The following TBL1X variants were observed in gnomAD, a reference collection of about 807,000 sequenced individuals.
TBL1X encodes the protein F-box-like/WD repeat-containing protein TBL1X.
Under a neutral mutation model 50.7 loss-of-function variants are expected in TBL1X, and 10 were observed. The ratio of observed to expected loss-of-function variants is 0.20; its 90% CI spans 0.12 to 0.33. The LOEUF (loss-of-function observed/expected upper bound fraction) is 0.33, where lower values mean the gene tolerates loss of function less well. Among genes scored for constraint, TBL1X ranks in the 10% least tolerant of loss-of-function variants. The pLI, the probability that TBL1X is intolerant of heterozygous loss-of-function variation, is 1.00. For missense variants in TBL1X, 340 were observed against 504.4 expected, an observed-to-expected ratio of 0.67 and a Z score of 3.12; for synonymous variants, 190 against 214.7, an observed-to-expected ratio of 0.88 and a Z score of 1.01.
chrX:9,488,894 C>A (rs988779867), intron 1 of TBL1X, among the ~76,000 whole-genome samples: 2 of 111,254 alleles, frequency 1.8e-5, no homozygotes, highest in African/African-American at 3.3e-5. Context: ...TTTTGTTGCC[C>A]AGGCTGGTCT....
intron 11 of TBL1X, among the ~76,000 whole-genome samples, chrX:9,694,042 A>G (rs1234897794): frequency 9.3e-6 from 1 of 107,107 alleles, no homozygotes; most frequent in Non-Finnish European, 1.9e-5. Flanking sequence ...GGGGACGCAG[A>G]CTCCATCCTG....
chrX:9,613,777 G>A (rs1255833305), intron 2 of TBL1X, among the ~76,000 whole-genome samples: 1 of 110,223 alleles, frequency 9.1e-6, no homozygotes, highest in Non-Finnish European at 1.9e-5. Flanking sequence ...CCTGAGGTCA[G>A]CAGTTCAAGA....
chrX:9,521,952 C>T (rs2082108911), intron 2 of TBL1X, among the ~76,000 whole-genome samples: 1 of 110,095 alleles, frequency 9.1e-6, no homozygotes, highest in Admixed American at 9.6e-5. Context: ...GCTCATGCAA[C>T]AGAGGAATTG....
intron 1 of TBL1X, among the ~76,000 whole-genome samples, chrX:9,469,215 G>A (rs191483914): frequency 1.8e-5 from 2 of 111,924 alleles, no homozygotes; most frequent in Admixed American, 1.9e-4. Context: ...CACAGCCCAG[G>A]CTGGAGTGCA....
chrX:9,499,901 C>T (rs1309809308), intron 1 of TBL1X, among the ~76,000 whole-genome samples: 4 of 109,639 alleles, frequency 3.6e-5, no homozygotes, highest in African/African-American at 1.0e-4. Flanking sequence ...TCATTTGAAC[C>T]TGGGAGGTGG....
chrX:9,528,689 C>CG (rs1401532117), intron 2 of TBL1X, among the ~76,000 whole-genome samples: 3 of 2,444 alleles, frequency 1.2e-3, no homozygotes, highest in African/African-American at 1.7e-3. Flanking sequence ...CAGGAGCTTG[C>CG]GGGGGGAGGG....
chrX:9,650,365 A>T (rs892009070), intron 3 of TBL1X, among the ~76,000 whole-genome samples: 3 of 111,631 alleles, frequency 2.7e-5, no homozygotes, highest in African/African-American at 9.8e-5. Context: ...CCCCCAGAGT[A>T]AAAGAGGAAA....
chrX:9,571,738 C>T (rs2082387587), intron 2 of TBL1X, among the ~76,000 whole-genome samples: 1 of 111,575 alleles, frequency 9.0e-6, no homozygotes, highest in African/African-American at 3.3e-5. Flanking sequence ...CTTTCCATTC[C>T]TTCTCTCCCC....
chrX:9,645,801 C>G (rs112520511), intron 3 of TBL1X, among the ~76,000 whole-genome samples: 26 of 112,097 alleles, frequency 2.3e-4, no homozygotes, highest in African/African-American at 8.4e-4. Context: ...AACTTTTCCT[C>G]TGTATGTGTT....
chrX:9,543,259 G>A (rs1313077113), intron 2 of TBL1X, among the ~76,000 whole-genome samples: 1 of 111,684 alleles, frequency 9.0e-6, no homozygotes, highest in African/African-American at 3.3e-5. Context: ...GCGTGTGAGT[G>A]TGTTGTGGGT....
In TBL1X at chrX:9,597,007, C is replaced by T. The variant is rs189989479; in HGVS notation, c.-130-43266C>T. Among the ~76,000 whole-genome samples the T allele has an allele frequency of 4.5e-5, 5 of 111,233 alleles. No homozygotes were observed. The East Asian group carries it at 1.4e-3, about 32-fold the overall frequency. On this transcript the variant is annotated intron_variant, in intron 2 of 17. Coordinates refer to ENST00000645353, the MANE Select transcript of TBL1X (RefSeq NM_005647.4). ...GGTTTCCTATAATGCTAACCATGCC[C>T]GGAGTATCTAGTTATAAATAATTGT...
intron 13 of TBL1X, among the ~76,000 whole-genome samples, chrX:9,706,245 T>C (rs1435247631): frequency 9.0e-6 from 1 of 110,596 alleles, no homozygotes; most frequent in Non-Finnish European, 1.9e-5. Flanking sequence ...GCATAGAAAT[T>C]GGCCAATTTG....
At chrX:9,706,998 G>A (rs2083212177) in intron 13 of TBL1X, among the ~76,000 whole-genome samples, 2 of 111,933 alleles carry the variant, frequency 1.8e-5, no homozygotes, top group Admixed American at 1.9e-4. Flanking sequence ...AGCCCTGGCA[G>A]TAGCTGCTGG....
intron 2 of TBL1X, among the ~76,000 whole-genome samples, chrX:9,621,500 A>G (rs2082666622): frequency 8.9e-6 from 1 of 111,732 alleles, no homozygotes; most frequent in African/African-American, 3.3e-5. Flanking sequence ...GGCCTAGACT[A>G]GGAATTTTGC....
At chrX:9,531,423 GT>G (rs2082161330) in intron 2 of TBL1X, among the ~76,000 whole-genome samples, 1 of 101,841 alleles carries the variant, frequency 9.8e-6, no homozygotes, top group Non-Finnish European at 2.0e-5. Flanking sequence ...TGGTGGTGGG[GT>G]TTTTTTGCCT....
At chrX:9,683,209 C>T (rs2083036419) in intron 5 of TBL1X, among the ~76,000 whole-genome samples, 1 of 111,959 alleles carries the variant, frequency 8.9e-6, no homozygotes, top group Non-Finnish European at 1.9e-5. Context: ...ACATAGATGC[C>T]CTGCATCATT....
At chrX:9,484,182 T>C (rs1228156399) in intron 1 of TBL1X, among the ~76,000 whole-genome samples, 3 of 111,181 alleles carry the variant, frequency 2.7e-5, no homozygotes, top group Non-Finnish European at 5.7e-5. Context: ...TTTTTTATTT[T>C]TTGTAGAGAT....
At chrX:9,481,295 T>G (rs1852457575) in intron 1 of TBL1X, among the ~76,000 whole-genome samples, 1 of 112,430 alleles carries the variant, frequency 8.9e-6, no homozygotes, top group South Asian at 3.6e-4. Context: ...TTCTGGCTTT[T>G]CGTTTGAAAC....
intron 2 of TBL1X, among the ~76,000 whole-genome samples, chrX:9,507,114 G>A (rs1178871550): frequency 2.7e-5 from 3 of 112,160 alleles, no homozygotes; most frequent in Non-Finnish European, 5.6e-5. Context: ...GAGAAAGAAA[G>A]AAAGGGTATT....
Sources: gnomAD v4.1 joint callset for allele counts (sites outside exome capture counted in the v4.1 genomes callset) on GRCh38, gnomAD v4.1.1 for gene constraint, MANE v1.5 for transcripts, NCBI Gene and HGNC (gene_info 2026-07-23, HGNC 2026-07-21) for gene names.